MAP3K15: variants seen among roughly 807,000 people sequenced by gnomAD.
The protein encoded by MAP3K15 is MAPK/ERK kinase kinase 15.
Under a neutral mutation model 99.5 loss-of-function variants are expected in MAP3K15, and 124 were observed. That is an observed-to-expected ratio of 1.25 (90% confidence interval 1.08 to 1.45). The LOEUF is 1.45. Ranked by LOEUF, MAP3K15 falls within the 40% of genes most tolerant of loss-of-function variation. The probability of loss-of-function intolerance (pLI) is 0.00; values close to 1 mark genes in which losing one functional copy is unlikely to be tolerated. For synonymous variants in MAP3K15, 494 were observed against 439.6 expected, an observed-to-expected ratio of 1.12 and a Z score of -1.55; for missense variants, 1,242 against 1,079.7, an observed-to-expected ratio of 1.15 and a Z score of -2.11.
At chrX:19,428,943 T>G (rs1446730623) in intron 7 of MAP3K15, among the ~76,000 whole-genome samples, 15 of 110,222 alleles carry the variant, frequency 1.4e-4, no homozygotes, top group Non-Finnish European at 1.9e-5. Flanking sequence ...CACTCCAGCC[T>G]GGGTGACAGA....
chrX:19,463,466 C>T (rs1385652911), intron 4 of MAP3K15, among the ~76,000 whole-genome samples: 1 of 111,767 alleles, frequency 8.9e-6, no homozygotes, highest in African/African-American at 3.2e-5. Flanking sequence ...CCTTGTGACA[C>T]AACTTACAGG....
chrX:19,426,287 A>G lies in MAP3K15; in HGVS notation c.1223T>C (p.Val408Ala). 8.5e-7 allele frequency: 1 copy of G among 1,173,940 alleles called. No individual in the cohort carries two copies. The highest frequency in any genetic ancestry group is 1.1e-6 in the Non-Finnish European group (1 of 881,160). The change falls in exon 8 of 29, where the codon GTT becomes GCT. Residue 408 changes from valine (V) to alanine (A), a missense_variant. By Grantham distance (64) the Val-to-Ala change is moderately conservative. Coordinates refer to ENST00000338883, the MANE Select transcript of MAP3K15 (RefSeq NM_001001671.4). ...SSLYSGINLA[V>A]LLIVAGQQFE... ...TTGTTGTCCAGCAACAATCAGCAAA[A>G]CTGCAAGATTAATTCCCGAATAGAG...
In MAP3K15 at chrX:19,515,411, G is replaced by T; in HGVS notation, c.-150C>A. 3.5e-6 allele frequency: 1 copy of T among 282,342 alleles called. No individual in the cohort carries two copies. The highest frequency in any genetic ancestry group is 5.1e-6 in the Non-Finnish European group (1 of 195,569). 23.3% of individuals were successfully genotyped at this position (282,342 alleles called of 1,213,427 possible). On this transcript the variant is annotated 5_prime_UTR_variant, in exon 1 of 29. Transcript: ENST00000338883. ...AATCGAGGGAACGGAGCGCACCGGG[G>T]ACCCCGCGGCGGGCCGAAGACGGCA...
chrX:19,374,147 C>G (rs2063400764), intron 20 of MAP3K15, among the ~76,000 whole-genome samples: 1 of 111,090 alleles, frequency 9.0e-6, no homozygotes, highest in African/African-American at 3.3e-5. Flanking sequence ...CAGGCTCTGG[C>G]ACATGGTGAA....
At chrX:19,369,715 G>C (rs1242792243) in intron 24 of MAP3K15, among the ~76,000 whole-genome samples, 1 of 110,971 alleles carries the variant, frequency 9.0e-6, no homozygotes, top group Non-Finnish European at 1.9e-5. Context: ...AAGAGATCAA[G>C]ACCATCCTGG....
chrX:19,470,638 A>G (rs940249595), intron 3 of MAP3K15, among the ~76,000 whole-genome samples: 1 of 111,617 alleles, frequency 9.0e-6, no homozygotes, highest in African/African-American at 3.3e-5. Context: ...ATAAACAAGT[A>G]AACAACAAAA....
chrX:19,362,985 A>AGAGAG (rs1337323879), intron 25 of MAP3K15, 135 bp from the exon 26 acceptor site: 1 of 391,297 alleles, frequency 2.6e-6, no homozygotes, highest in East Asian at 4.1e-5. Context: ...GAGTCAGCCT[A>AGAGAG]GAGAGGGAAG....
At chrX:19,394,810 TTTTTTTTTTTTTTTTTTTTTTTTTTAA>T (rs2063555160) in intron 16 of MAP3K15, among the ~76,000 whole-genome samples, 3 of 60,569 alleles carry the variant, frequency 5.0e-5, no homozygotes, top group African/African-American at 1.8e-4. Context: ...TTTTTTTTTT[TTTTTTTTTTTTTTTTTTTTTTTTTTAA>T]AAAGAGTGAT....
chrX:19,507,328 T>C (rs1207066073), intron 1 of MAP3K15, among the ~76,000 whole-genome samples: 1 of 110,326 alleles, frequency 9.1e-6, no homozygotes, highest in Non-Finnish European at 1.9e-5. Flanking sequence ...ACAGGTCTCT[T>C]TGCTTCCTGC....
At chrX:19,503,201 C>A (rs1373762218) in intron 1 of MAP3K15, among the ~76,000 whole-genome samples, 1 of 111,774 alleles carries the variant, frequency 8.9e-6, no homozygotes, top group Non-Finnish European at 1.9e-5. Flanking sequence ...GTTTACTTAC[C>A]CTTATAGATG....
intron 6 of MAP3K15, among the ~76,000 whole-genome samples, chrX:19,435,573 G>A (rs963206775): frequency 2.7e-5 from 3 of 112,039 alleles, no homozygotes; most frequent in Non-Finnish European, 5.6e-5. Flanking sequence ...AGTCTTTTGA[G>A]TATAAACAAA....
chrX:19,386,759 G>A (rs776813013), intron 18 of MAP3K15, among the ~76,000 whole-genome samples: 14 of 111,505 alleles, frequency 1.3e-4, no homozygotes, highest in African/African-American at 3.9e-4. Context: ...TATAACCGAG[G>A]CCCAGGGACC....
intron 9 of MAP3K15, among the ~76,000 whole-genome samples, chrX:19,416,368 T>G (rs1350041276): frequency 9.0e-6 from 1 of 110,679 alleles, no homozygotes; most frequent in East Asian, 2.8e-4. Context: ...TTCCACCGTG[T>G]GAGACTGATC....
At chrX:19,489,864 C>T (rs369511623) in intron 1 of MAP3K15, among the ~76,000 whole-genome samples, 4 of 110,158 alleles carry the variant, frequency 3.6e-5, no homozygotes, top group East Asian at 5.7e-4. Context: ...AGTGAAACCC[C>T]GTCTCTACTA....
chrX:19,480,039 T>G (rs1038825728), intron 3 of MAP3K15, among the ~76,000 whole-genome samples: 8 of 111,508 alleles, frequency 7.2e-5, no homozygotes, highest in African/African-American at 2.3e-4. Flanking sequence ...CGCAAGAGTA[T>G]CCAAAAGAAT....
chrX:19,506,010 G>A (rs978924239), intron 1 of MAP3K15, among the ~76,000 whole-genome samples: 2 of 111,306 alleles, frequency 1.8e-5, no homozygotes, highest in East Asian at 5.6e-4. Context: ...TCGGCTCACT[G>A]CAACTTCCAC....
chrX:19,368,648 TGAA>T (rs2063352238), intron 25 of MAP3K15, among the ~76,000 whole-genome samples: 1 of 111,407 alleles, frequency 9.0e-6, no homozygotes, highest in African/African-American at 3.3e-5. Context: ...CATCCACTGA[TGAA>T]GTGCTAACCA....
At chrX:19,459,208 T>A (rs1350417912) in intron 5 of MAP3K15, among the ~76,000 whole-genome samples, 2 of 111,870 alleles carry the variant, frequency 1.8e-5, no homozygotes, top group Non-Finnish European at 3.8e-5. Context: ...TCAGTCTGAA[T>A]CCTGACCTAA....
Position 19,464,256 on chromosome X carries a change from C to G in MAP3K15, c.676G>C (p.Asp226His), listed in dbSNP as rs56338727. 15 of 1,197,879 alleles carry G rather than the reference C, an allele frequency of 1.3e-5. No individual in the cohort carries two copies. In the East Asian group the frequency reaches 3.3e-4, roughly 26 times the overall value. The change falls in exon 4 of 29, where the codon GAC becomes CAC. Residue 226 changes from aspartate (D) to histidine (H), a missense_variant. Transcript: ENST00000338883. The part of the protein sequence containing the change: ...ILGPLCMPLV[D>H]RFISLLKDIH... The stretch of plus-strand genomic sequence containing the variant: ...TCCTTAAGGAGGCTAATGAACCTGT[C>G]CACCAAAGGCATGCACAGCGGGCCC...
Sources: gnomAD v4.1 joint callset for allele counts (sites outside exome capture counted in the v4.1 genomes callset) on GRCh38, gnomAD v4.1.1 for gene constraint, MANE v1.5 for transcripts, NCBI Gene and HGNC (gene_info 2026-07-23, HGNC 2026-07-21) for gene names.